Variants in SPOCK1 observed in about 807,000 individuals in gnomAD.
SPOCK1 encodes the protein SPARC (osteonectin), cwcv and kazal like domains proteoglycan 1.
SPOCK1 carries 23 observed loss-of-function variants against 55.3 expected under a neutral mutation model. The observed-to-expected ratio is 0.42, with a 90% CI of 0.30 to 0.59. SPOCK1 has a LOEUF of 0.59. Among genes scored for constraint, SPOCK1 ranks in the 20% least tolerant of loss-of-function variants. The pLI is 0.22. For missense variants in SPOCK1, 499 were observed against 552.5 expected, an observed-to-expected ratio of 0.90 and a Z score of 0.97; for synonymous variants, 226 against 221.0, an observed-to-expected ratio of 1.02 and a Z score of -0.20.
chr5:137,183,901 C>G (rs142928349), intron 3 of SPOCK1, among the ~76,000 whole-genome samples: 1 of 152,342 alleles, frequency 6.6e-6, no homozygotes, highest in African/African-American at 2.4e-5. Context: ...ACCCATCCCC[C>G]TCTATGCTTT....
intron 2 of SPOCK1, among the ~76,000 whole-genome samples, chr5:137,434,656 C>G (rs1348944647): frequency 1.3e-5 from 2 of 151,254 alleles, no homozygotes; most frequent in South Asian, 2.1e-4. Context: ...CCCGCCACCA[C>G]GCCCAGCTAA....
At chr5:137,338,790 T>C (rs893005510) in intron 2 of SPOCK1, among the ~76,000 whole-genome samples, 5 of 152,222 alleles carry the variant, frequency 3.3e-5, no homozygotes, top group Non-Finnish European at 7.3e-5. Flanking sequence ...CATTTTTTCA[T>C]GTGTTTTTTG....
chr5:137,244,379 C>T (rs1352857720), intron 3 of SPOCK1, among the ~76,000 whole-genome samples: 2 of 151,810 alleles, frequency 1.3e-5, no homozygotes, highest in African/African-American at 2.4e-5. Flanking sequence ...TTCCACTATG[C>T]GATTTTCAAA....
intron 6 of SPOCK1, among the ~76,000 whole-genome samples, chr5:137,036,448 C>T (rs1580718632): frequency 6.6e-6 from 1 of 152,322 alleles, no homozygotes; most frequent in African/African-American, 2.4e-5. Context: ...CTCTACTTTC[C>T]TTCCTTCTTG....
chr5:137,288,282 A>G (rs759025319), intron 2 of SPOCK1, among the ~76,000 whole-genome samples: 3 of 152,228 alleles, frequency 2.0e-5, no homozygotes, highest in Non-Finnish European at 4.4e-5. Context: ...TAATGGCAGC[A>G]TACCTATTCT....
intron 2 of SPOCK1, among the ~76,000 whole-genome samples, chr5:137,285,998 C>T (rs1757256973): frequency 6.6e-6 from 1 of 152,174 alleles, no homozygotes; most frequent in Admixed American, 6.5e-5. Flanking sequence ...TCTAAACTAG[C>T]TGGCCTCAGC....
intron 2 of SPOCK1, among the ~76,000 whole-genome samples, chr5:137,328,835 ATAC>A (rs1398032475): frequency 1.3e-5 from 2 of 152,184 alleles, no homozygotes; most frequent in African/African-American, 2.4e-5. Flanking sequence ...TCGTCTCTGT[ATAC>A]CATGGGATCT....
At chr5:137,266,160 C>T (rs555344794) in intron 3 of SPOCK1, among the ~76,000 whole-genome samples, 7 of 152,298 alleles carry the variant, frequency 4.6e-5, no homozygotes, top group African/African-American at 1.7e-4. Context: ...TCGATTTCTT[C>T]GTATCAAGTT....
At chr5:137,029,396 A>G (rs1187071657) in intron 6 of SPOCK1, among the ~76,000 whole-genome samples, 2 of 152,252 alleles carry the variant, frequency 1.3e-5, no homozygotes, top group African/African-American at 2.4e-5. Context: ...TGATAAACTT[A>G]TATGACTTGG....
intron 2 of SPOCK1, among the ~76,000 whole-genome samples, chr5:137,359,543 A>G (rs1750895281): frequency 6.6e-6 from 1 of 152,218 alleles, no homozygotes; most frequent in African/African-American, 2.4e-5. Flanking sequence ...TCTCTAATTT[A>G]ATCCTAACAG....
intron 2 of SPOCK1, among the ~76,000 whole-genome samples, chr5:137,416,116 T>C (rs535277740): frequency 6.6e-6 from 1 of 152,096 alleles, no homozygotes; most frequent in African/African-American, 2.4e-5. Flanking sequence ...AAAGAACACA[T>C]TTCTTGCTGA....
intron 3 of SPOCK1, among the ~76,000 whole-genome samples, chr5:137,218,140 A>G (rs937859657): frequency 3.0e-4 from 46 of 152,340 alleles, no homozygotes; most frequent in African/African-American, 1.0e-3. Flanking sequence ...ATGAAGCTCG[A>G]TCCTTTATCT....
chr5:137,181,924 C>T (rs1365297954), intron 3 of SPOCK1, among the ~76,000 whole-genome samples: 3 of 152,194 alleles, frequency 2.0e-5, no homozygotes, highest in African/African-American at 7.2e-5. Context: ...TGACATGCTC[C>T]CAGTGGTCCA....
chr5:137,463,007 C>T (rs543887307), intron 2 of SPOCK1, among the ~76,000 whole-genome samples: 1 of 152,260 alleles, frequency 6.6e-6, no homozygotes, highest in East Asian at 1.9e-4. Flanking sequence ...CATTCAGGGG[C>T]TTCATGGGCC....
At chr5:137,094,189 G>A (rs957515378) in intron 5 of SPOCK1, among the ~76,000 whole-genome samples, 6 of 152,138 alleles carry the variant, frequency 3.9e-5, no homozygotes, top group African/African-American at 1.4e-4. Context: ...TAGCAGATTG[G>A]GGGAAACACT....
chr5:137,304,315 C>T (rs924105768), intron 2 of SPOCK1, among the ~76,000 whole-genome samples: 5 of 151,962 alleles, frequency 3.3e-5, no homozygotes, highest in Admixed American at 3.3e-4. Context: ...AGCACCTGAC[C>T]GAGGCCCTGG....
intron 2 of SPOCK1, among the ~76,000 whole-genome samples, chr5:137,296,787 C>T (rs1427653994): frequency 2.6e-5 from 4 of 152,192 alleles, no homozygotes; most frequent in Non-Finnish European, 5.9e-5. Flanking sequence ...GACACAGGCT[C>T]ACACAGGTGG....
chr5:137,448,213 A>C (rs1388149138), intron 2 of SPOCK1, among the ~76,000 whole-genome samples: 1 of 152,184 alleles, frequency 6.6e-6, no homozygotes, highest in Non-Finnish European at 1.5e-5. Context: ...GTGCCATTGC[A>C]CTCCAGCCTG....
At chr5:136,986,587 G>A (rs550063230) in intron 8 of SPOCK1, among the ~76,000 whole-genome samples, 4 of 152,162 alleles carry the variant, frequency 2.6e-5, no homozygotes, top group South Asian at 2.1e-4. Flanking sequence ...TTGCACACCC[G>A]AAAAATCTAA....
Sources: gnomAD v4.1 joint callset for allele counts (sites outside exome capture counted in the v4.1 genomes callset) on GRCh38, gnomAD v4.1.1 for gene constraint, MANE v1.5 for transcripts, NCBI Gene and HGNC (gene_info 2026-07-23, HGNC 2026-07-21) for gene names.